The following RHOBTB3 variants were observed in gnomAD, a reference collection of about 807,000 sequenced individuals.
RHOBTB3 encodes the protein Rho related BTB domain containing 3, also known as rho-related BTB domain-containing protein 3.
In RHOBTB3, 47 loss-of-function variants were observed where a neutral mutation model predicts 67.2. The observed-to-expected ratio is 0.70, with a 90% CI of 0.55 to 0.89. The LOEUF is 0.89. Ranked by LOEUF, RHOBTB3 falls within the 40% of genes least tolerant of loss-of-function variation. RHOBTB3 has a pLI of 0.00. For missense variants in RHOBTB3, 631 were observed against 750.0 expected, an observed-to-expected ratio of 0.84 and a Z score of 1.85; for synonymous variants, 273 against 274.2, an observed-to-expected ratio of 1.00 and a Z score of 0.04.
chr5:95,783,364 C>T (rs1746118809), intron 9 of RHOBTB3, among the ~76,000 whole-genome samples: 1 of 151,222 alleles, frequency 6.6e-6, no homozygotes, highest in African/African-American at 2.4e-5. Flanking sequence ...CCTCGTGATC[C>T]GCCCACCTCG....
rs1359658652 is a variant in RHOBTB3 at position 95,748,500 on chromosome 5, T to C, written c.570+13T>C. On this transcript the variant is annotated intron_variant, in intron 4 of 11. Coordinates refer to ENST00000379982, the MANE Select transcript of RHOBTB3 (RefSeq NM_014899.4). ...TTTTGGAGGAGTGGTAAGTGGAAAT[T>C]CCTGTTAAGTATAAAGTTATTTGTC... 1 of 1,601,092 alleles carries C rather than the reference T, an allele frequency of 6.2e-7. No individual in the cohort carries two copies. The highest frequency in any genetic ancestry group is 8.5e-7 in the Non-Finnish European group (1 of 1,172,036).
intron 8 of RHOBTB3, among the ~76,000 whole-genome samples, chr5:95,777,370 G>C (rs1021477988): frequency 1.3e-5 from 2 of 152,136 alleles, no homozygotes; most frequent in African/African-American, 2.4e-5. Context: ...AAAGATTCTT[G>C]ATAATCTATG....
chr5:95,783,912 G>A lies in RHOBTB3; in HGVS notation c.1572G>A (p.Arg524=). ...CCCAGCTGCAGAGCATGCCAAGCAG[G>A]GAACTGGCATCCATGAACCTTGATA... ...IITQLQSMPS[R]ELASMNLDIV... Residue 524 remains arginine (R), a synonymous_variant, in exon 10 of 12, where the codon AGG becomes AGA. Transcript: ENST00000379982. 1 of 1,613,878 alleles carries A rather than the reference G, an allele frequency of 6.2e-7. No individual in the cohort carries two copies. Among genetic ancestry groups the A allele is most frequent in the Non-Finnish European group, 8.5e-7 (1 of 1,179,854 alleles).
chr5:95,771,442 C>T (rs963911440), intron 8 of RHOBTB3, among the ~76,000 whole-genome samples: 5 of 152,180 alleles, frequency 3.3e-5, no homozygotes, highest in Admixed American at 6.5e-5. Flanking sequence ...TTCCGACAAG[C>T]CACGGCCAGC....
chr5:95,777,727 TAAAGAGGTGAAA>T, intron 8 of RHOBTB3, among the ~76,000 whole-genome samples: 1 of 152,336 alleles, frequency 6.6e-6, no homozygotes, highest in Non-Finnish European at 1.5e-5. Flanking sequence ...AACAGTAGTT[TAAAGAGGTGAAA>T]AACTGAAGTT....
At chr5:95,721,622 T>C (rs1181007003) in intron 1 of RHOBTB3, among the ~76,000 whole-genome samples, 1 of 151,430 alleles carries the variant, frequency 6.6e-6, no homozygotes, top group Non-Finnish European at 1.5e-5. Flanking sequence ...GAGATATTAC[T>C]GAGGTCCCAG....
chr5:95,774,454 G>T (rs754688026), intron 8 of RHOBTB3, among the ~76,000 whole-genome samples: 1 of 152,116 alleles, frequency 6.6e-6, no homozygotes, highest in Non-Finnish European at 1.5e-5. Flanking sequence ...CATTTTTAAT[G>T]TCATTATATG....
intron 11 of RHOBTB3, among the ~76,000 whole-genome samples, chr5:95,792,839 T>C (rs1456604470): frequency 6.7e-6 from 1 of 149,556 alleles, no homozygotes; most frequent in Non-Finnish European, 1.5e-5. Context: ...CTACTCGAAG[T>C]AGTGGACAAG....
chr5:95,758,275 C>T (rs1745304180), intron 6 of RHOBTB3, among the ~76,000 whole-genome samples: 3 of 152,156 alleles, frequency 2.0e-5, no homozygotes, highest in Admixed American at 2.0e-4. Context: ...ATCCTTCTAC[C>T]CTAGACCCTT....
chr5:95,733,179 A>C (rs148351056), intron 2 of RHOBTB3, among the ~76,000 whole-genome samples: 1 of 152,372 alleles, frequency 6.6e-6, no homozygotes, highest in East Asian at 1.9e-4. Context: ...AAGTTATGTT[A>C]ATTTGGTAAA....
chr5:95,759,152 C>T (rs569727189), intron 6 of RHOBTB3, among the ~76,000 whole-genome samples: 1 of 152,338 alleles, frequency 6.6e-6, no homozygotes, highest in African/African-American at 2.4e-5. Flanking sequence ...TGCTGAGCTA[C>T]AGGTCTTCAA....
intron 8 of RHOBTB3, among the ~76,000 whole-genome samples, chr5:95,775,179 T>A (rs747426562): frequency 4.6e-5 from 7 of 152,088 alleles, no homozygotes; most frequent in Non-Finnish European, 8.8e-5. Flanking sequence ...TATCCTATTT[T>A]ACATTCTTGT....
At chr5:95,772,948 C>T (rs1745758649) in intron 8 of RHOBTB3, among the ~76,000 whole-genome samples, 1 of 152,162 alleles carries the variant, frequency 6.6e-6, no homozygotes, top group African/African-American at 2.4e-5. Flanking sequence ...TGCCTGGCCC[C>T]ATCATACATT....
Position 95,731,577 on chromosome 5 carries a change from G to A in RHOBTB3, c.-106G>A. The A allele has an allele frequency of 2.6e-6, 4 of 1,534,318 alleles. No individual in the cohort carries two copies. The highest frequency in any genetic ancestry group is 5.1e-5 in the East Asian group (2 of 39,212). ...CGGTGGAGGCGCGCGAGGGGGACGC[G>A]GCCGGGGATGAGCGGATTGCGGGTG... On this transcript the variant is annotated 5_prime_UTR_variant, in exon 1 of 12. Transcript: ENST00000379982.
chr5:95,783,029 TA>T (rs923490363), intron 9 of RHOBTB3, among the ~76,000 whole-genome samples: 3 of 150,444 alleles, frequency 2.0e-5, no homozygotes, highest in African/African-American at 7.3e-5. Flanking sequence ...TCTGAAGAAT[TA>T]AAAAAAAATA....
At chr5:95,765,978 C>T (rs1290679688) in intron 7 of RHOBTB3, among the ~76,000 whole-genome samples, 1 of 152,126 alleles carries the variant, frequency 6.6e-6, no homozygotes, top group Non-Finnish European at 1.5e-5. Flanking sequence ...TGCTTTTTGA[C>T]TGCTACTCTC....
chr5:95,752,894 G>T (rs1745130586), intron 5 of RHOBTB3, among the ~76,000 whole-genome samples: 1 of 152,162 alleles, frequency 6.6e-6, no homozygotes, highest in Non-Finnish European at 1.5e-5. Context: ...CACTTTGGGA[G>T]GCCGAGGTGG....
Position 95,748,471 on chromosome 5 carries a change from A to C in RHOBTB3, c.554A>C (p.Lys185Thr). The change falls in exon 4 of 12, where the codon AAG becomes ACG. Residue 185 changes from lysine to threonine, a missense_variant. Coordinates refer to ENST00000379982, the MANE Select transcript of RHOBTB3 (RefSeq NM_014899.4). ...AGCCTTGATGACTTCTACATAGGAA[A>C]GTATTTTGGAGGAGTGGTAAGTGGA... Reference protein sequence around the residue: ...LHSLDDFYIGKYFGGVLEYFM... With the variant: ...LHSLDDFYIGTYFGGVLEYFM... 6.2e-7 allele frequency: 1 copy of C among 1,609,700 alleles called. No individual in the cohort carries two copies. The highest frequency in any genetic ancestry group is 8.5e-7 in the Non-Finnish European group (1 of 1,177,860).
chr5:95,792,825 A>T (rs1053616371), intron 11 of RHOBTB3, among the ~76,000 whole-genome samples: 3 of 152,062 alleles, frequency 2.0e-5, no homozygotes, highest in African/African-American at 7.2e-5. Context: ...AAAATAATGA[A>T]ATACTACTCG....
Sources: allele counts gnomAD v4.1 joint callset (sites outside exome capture counted in the v4.1 genomes callset), GRCh38; gene constraint gnomAD v4.1.1; transcripts MANE v1.5; gene names NCBI Gene and HGNC (gene_info 2026-07-23, HGNC 2026-07-21).